SEMA4D: variants seen among roughly 807,000 people sequenced by gnomAD.
The protein encoded by SEMA4D is semaphorin 4D, also known as semaphorin-4D.
SEMA4D carries 22 observed loss-of-function variants against 74.8 expected under a neutral mutation model. That is an observed-to-expected ratio of 0.29 (90% CI 0.21 to 0.42). The LOEUF (loss-of-function observed/expected upper bound fraction) is 0.42. SEMA4D is among the 10% of genes least tolerant of loss of function. The pLI, the probability that SEMA4D is intolerant of heterozygous loss-of-function variation, is 1.00. For synonymous variants in SEMA4D, 445 were observed against 463.7 expected, an observed-to-expected ratio of 0.96 and a Z score of 0.52; for missense variants, 937 against 1,118.4, an observed-to-expected ratio of 0.84 and a Z score of 2.31.
intron 1 of SEMA4D, among the ~76,000 whole-genome samples, chr9:89,480,383 G>T (rs1195474019): frequency 6.6e-6 from 1 of 152,278 alleles, no homozygotes; most frequent in African/African-American, 2.4e-5. Context: ...GGGGCTGCAG[G>T]TGGAGCTGCC....
intron 13 of SEMA4D, chr9:89,385,656 G>A (rs1337439077): frequency 1.3e-6 from 1 of 795,430 alleles, no homozygotes; most frequent in Non-Finnish European, 1.5e-6. Context: ...TACAGGGGAG[G>A]GAAGAGGACA....
chr9:89,437,453 C>T lies in SEMA4D; in HGVS notation c.-244+18435G>A, dbSNP rs758206080. Among the ~76,000 whole-genome samples the T allele has an allele frequency of 4.5e-4, 68 of 152,330 alleles. 1 individual carries two copies. Among genetic ancestry groups the T allele is most frequent in the Middle Eastern group, 3.4e-3 (1 of 294 alleles). Reference sequence around the variant, plus strand: ...TGAAGCTCGCCCTGAGTCTCTGACACTGCAGGTGTGGCCTCCAGATCCCAG... The same window carrying T: ...TGAAGCTCGCCCTGAGTCTCTGACATTGCAGGTGTGGCCTCCAGATCCCAG... On this transcript the variant is annotated intron_variant, in intron 2 of 15. Transcript: ENST00000422704.
At chr9:89,474,450 A>G (rs1418545300) in intron 1 of SEMA4D, among the ~76,000 whole-genome samples, 3 of 152,234 alleles carry the variant, frequency 2.0e-5, no homozygotes, top group Non-Finnish European at 1.5e-5. Flanking sequence ...GTTCCTTTGT[A>G]TACACAGATG....
At chr9:89,454,490 A>G (rs1855458481) in intron 2 of SEMA4D, among the ~76,000 whole-genome samples, 1 of 152,184 alleles carries the variant, frequency 6.6e-6, no homozygotes, top group Non-Finnish European at 1.5e-5. Flanking sequence ...GGCCTTGGAC[A>G]GGTGGGCCCT....
At chr9:89,456,643 C>T (rs976004997) in intron 1 of SEMA4D, among the ~76,000 whole-genome samples, 11 of 152,206 alleles carry the variant, frequency 7.2e-5, no homozygotes, top group African/African-American at 2.4e-4. Context: ...CGCAGCGGCA[C>T]GATCTCAGCT....
At chr9:89,467,800 G>A (rs577248510) in intron 1 of SEMA4D, among the ~76,000 whole-genome samples, 1 of 152,280 alleles carries the variant, frequency 6.6e-6, no homozygotes, top group East Asian at 1.9e-4. Context: ...AAAGTGCTGG[G>A]ATTACAGACG....
intron 13 of SEMA4D, chr9:89,384,695 AGAG>A (rs759295000): frequency 2.2e-4 from 219 of 985,282 alleles, no homozygotes; most frequent in Non-Finnish European, 2.5e-4. Context: ...TCATCAGGGG[AGAG>A]GAGGTGAGGG....
At chr9:89,370,218 ATGTTT>A (rs1834339951) in intron 16 of SEMA4D, among the ~76,000 whole-genome samples, 1 of 143,160 alleles carries the variant, frequency 7.0e-6, no homozygotes, top group African/African-American at 2.6e-5. Context: ...GGTGTATGTG[ATGTTT>A]TGTGCTGTGC....
At chr9:89,424,164 T>A (rs1054092784) in intron 2 of SEMA4D, among the ~76,000 whole-genome samples, 1 of 152,044 alleles carries the variant, frequency 6.6e-6, no homozygotes, top group Non-Finnish European at 1.5e-5. Flanking sequence ...CACAGCTACT[T>A]CCCTGGGAGA....
In SEMA4D at chr9:89,378,695, C is replaced by G. The variant is rs768391325; in HGVS notation, c.*9G>C. The G allele has an allele frequency of 1.7e-5, 28 of 1,609,214 alleles. No homozygotes were observed. In the Middle Eastern group the frequency reaches 1.2e-3, roughly 66 times the overall value. ...CAGCCGAGGCACCAGCGGGGATGCA[C>G]AGCCGGCCTCAGTCTCCATCTGCGT... On this transcript the variant is annotated 3_prime_UTR_variant, in exon 16 of 16. Transcript: ENST00000422704.
chr9:89,443,180 T>C (rs531674204), intron 2 of SEMA4D, among the ~76,000 whole-genome samples: 5 of 152,298 alleles, frequency 3.3e-5, no homozygotes, highest in Admixed American at 6.5e-5. Context: ...GAGTGAGACT[T>C]CCCTGTCAGT....
intron 2 of SEMA4D, among the ~76,000 whole-genome samples, chr9:89,434,381 G>C (rs1005526135): frequency 2.0e-5 from 3 of 152,242 alleles, no homozygotes; most frequent in African/African-American, 7.2e-5. Flanking sequence ...AAAACGGTAT[G>C]CAGGCCCTCA....
intron 2 of SEMA4D, among the ~76,000 whole-genome samples, chr9:89,434,475 T>C (rs1023512573): frequency 3.3e-5 from 5 of 152,240 alleles, no homozygotes; most frequent in Admixed American, 2.6e-4. Flanking sequence ...CTCCTGTTAC[T>C]GTCTTTCGTC....
intron 2 of SEMA4D, among the ~76,000 whole-genome samples, chr9:89,424,681 C>A (rs1254773617): frequency 6.6e-6 from 1 of 151,976 alleles, no homozygotes; most frequent in African/African-American, 2.4e-5. Context: ...TCTTCCTGCC[C>A]TCCCCCACCT....
At position 89,402,916 on chromosome 9, in the gene SEMA4D, C is replaced by T. The variant is rs747822079; in HGVS notation, c.207G>A (p.Ala69=). The change falls in exon 4 of 16, where the codon GCG becomes GCA. Residue 69 remains alanine (A), a synonymous_variant. Coordinates refer to ENST00000422704, the MANE Select transcript of SEMA4D (RefSeq NM_001371194.2). ...TGTTGAGTGCGTTCACAGCGAAGAC[C>T]GCCTCCCGGGCACCTATGTACAAGG... is the stretch of plus-strand genomic sequence containing the variant. ...KDTLYIGARE[A]VFAVNALNIS... 31 of 1,614,008 alleles carry T rather than the reference C, an allele frequency of 1.9e-5. No individual in the cohort carries two copies. Among genetic ancestry groups the T allele is most frequent in the African/African-American group, 1.9e-4 (14 of 74,934 alleles).
intron 2 of SEMA4D, among the ~76,000 whole-genome samples, chr9:89,449,280 T>C (rs1853735611): frequency 6.6e-6 from 1 of 152,206 alleles, no homozygotes. Flanking sequence ...CTGATACGGT[T>C]GTTACAAGTC....
rs1033306917 is a variant in SEMA4D at position 89,492,707 on chromosome 9, C to T, written c.-310+5212G>A. On this transcript the variant is annotated intron_variant, in intron 1 of 15. Coordinates refer to ENST00000422704, the MANE Select transcript of SEMA4D (RefSeq NM_001371194.2). The surrounding 1 kb of genome is among the most constrained non-coding windows in gnomAD (Gnocchi z 4.3). ...ACCCCTTGCTTGCTGCAACAGCCCTCATGGGATCCATCACAGTCCTGTTGG... is the reference window on the plus strand; with the variant it reads ...ACCCCTTGCTTGCTGCAACAGCCCTTATGGGATCCATCACAGTCCTGTTGG... Among the ~76,000 whole-genome samples, 1 of 152,182 alleles carries T rather than the reference C, an allele frequency of 6.6e-6. No individual in the cohort carries two copies. Among genetic ancestry groups the T allele is most frequent in the East Asian group, 1.9e-4 (1 of 5,196 alleles).
Position 89,485,046 on chromosome 9 carries a change from T to A in SEMA4D, c.-310+12873A>T, listed in dbSNP as rs143830430. Among the ~76,000 whole-genome samples the A allele has an allele frequency of 7.9e-5, 12 of 152,206 alleles. 1 individual carries two copies. In the Middle Eastern group the frequency reaches 0.01, roughly 129 times the overall value. The stretch of plus-strand genomic sequence containing the variant: ...ACATTTTTCAACCTTTTCCTTTGTA[T>A]TTCTCCTTTGTGATTTCCATAACAA... On this transcript the variant is annotated intron_variant, in intron 1 of 15. Transcript: ENST00000422704.
intron 11 of SEMA4D, among the ~76,000 whole-genome samples, 189 bp from the exon 12 acceptor site, chr9:89,387,797 C>G (rs909713340): frequency 6.6e-6 from 1 of 152,142 alleles, no homozygotes; most frequent in Non-Finnish European, 1.5e-5. Flanking sequence ...GCAGAGGACA[C>G]AGTTATAAAA....
Sources: allele counts gnomAD v4.1 joint callset (sites outside exome capture counted in the v4.1 genomes callset), GRCh38; gene constraint gnomAD v4.1.1; non-coding constraint Gnocchi (gnomAD v3.1); transcripts MANE v1.5; gene names NCBI Gene and HGNC (gene_info 2026-07-23, HGNC 2026-07-21).